Variants in RFX3 observed in about 807,000 individuals in gnomAD.
The protein encoded by RFX3 is regulatory factor X3.
RFX3 carries 14 observed loss-of-function variants against 98.6 expected under a neutral mutation model. That is an observed-to-expected ratio of 0.14 (90% confidence interval 0.09 to 0.22). RFX3 has a LOEUF of 0.22. RFX3 is among the 10% of genes least tolerant of loss of function. The pLI, the probability that RFX3 is intolerant of heterozygous loss-of-function variation, is 1.00. For missense variants in RFX3, 639 were observed against 926.9 expected, an observed-to-expected ratio of 0.69 and a Z score of 4.03; for synonymous variants, 383 against 328.4, an observed-to-expected ratio of 1.17 and a Z score of -1.80.
chr9:3,262,894 A>T, intron 13 of RFX3, 41 bp downstream of exon 13: 1 of 1,595,892 alleles, frequency 6.3e-7, no homozygotes, highest in Admixed American at 1.7e-5. Flanking sequence ...CAAATTGGGT[A>T]TCTTTCCTTA....
At chr9:3,505,531 G>C (rs910553899) in intron 1 of RFX3, among the ~76,000 whole-genome samples, 4 of 77,110 alleles carry the variant, frequency 5.2e-5, no homozygotes, top group African/African-American at 1.8e-4. Flanking sequence ...AATGATAAAA[G>C]GGGGTAAAGA....
chr9:3,474,325 T>C lies in RFX3; in HGVS notation c.-9+51422A>G, dbSNP rs558724539. On this transcript the variant is annotated intron_variant, in intron 1 of 16. Coordinates refer to ENST00000617270, the MANE Select transcript of RFX3 (RefSeq NM_001282116.2). ...AGTGAGAAGTATGCAGCACTTTTTA[T>C]GACCTACTGTTTTAACTTTTTCTAT... 2.0e-5 allele frequency among the ~76,000 whole-genome samples: 3 copies of C among 152,348 alleles called. No homozygotes were observed. In the South Asian group the frequency reaches 6.2e-4, roughly 32 times the overall value.
chr9:3,502,120 G>T (rs898647193), intron 1 of RFX3, among the ~76,000 whole-genome samples: 1 of 150,898 alleles, frequency 6.6e-6, no homozygotes. Flanking sequence ...TTAGCCGGGC[G>T]TAGTGGCGGG....
intron 1 of RFX3, 133 bp from the exon 2 acceptor site, chr9:3,395,729 T>C: frequency 1.2e-6 from 1 of 839,358 alleles, no homozygotes; most frequent in East Asian, 2.7e-5. Context: ...CATACTACCA[T>C]GACAGTCCGT....
rs1005907334 is a variant in RFX3 at position 3,222,803 on chromosome 9, T to G, written c.*2239A>C. The G allele has an allele frequency of 6.6e-6, 1 of 152,210 alleles. No homozygotes were observed. Among genetic ancestry groups the G allele is most frequent in the Non-Finnish European group, 1.5e-5 (1 of 68,032 alleles). 9.4% of individuals were successfully genotyped at this position (152,210 alleles called of 1,614,324 possible). On this transcript the variant is annotated 3_prime_UTR_variant, in exon 17 of 17. Coordinates refer to ENST00000617270, the MANE Select transcript of RFX3 (RefSeq NM_001282116.2). The stretch of plus-strand genomic sequence containing the variant: ...TTTTTGGGAGGAAAAAGGGGGACAG[T>G]AATTTAAATGACATTTAGATGAAGG...
intron 2 of RFX3, among the ~76,000 whole-genome samples, chr9:3,392,473 T>C (rs1362022503): frequency 6.7e-6 from 1 of 149,624 alleles, no homozygotes; most frequent in African/African-American, 2.5e-5. Flanking sequence ...TTAAAAATAA[T>C]ATAAGGCCTG....
intron 2 of RFX3, among the ~76,000 whole-genome samples, chr9:3,372,103 A>T (rs7043493): frequency 6.6e-6 from 1 of 152,166 alleles, no homozygotes; most frequent in South Asian, 2.1e-4. Context: ...CACTACAGCA[A>T]CTGTATTTCT....
intron 1 of RFX3, among the ~76,000 whole-genome samples, chr9:3,406,567 C>T (rs1220810400): frequency 6.6e-6 from 1 of 152,092 alleles, no homozygotes; most frequent in African/African-American, 2.4e-5. Context: ...TTTTCACTTA[C>T]ATATGTAGCC....
chr9:3,360,551 A>T (rs959656017), intron 2 of RFX3, among the ~76,000 whole-genome samples: 5 of 152,174 alleles, frequency 3.3e-5, no homozygotes, highest in Non-Finnish European at 7.4e-5. Context: ...AAATATATGC[A>T]TGATGTATTT....
At chr9:3,247,217 G>T in intron 15 of RFX3, 1 of 984,122 alleles carries the variant, frequency 1.0e-6, no homozygotes, top group Non-Finnish European at 1.2e-6. Flanking sequence ...AACCATCTGA[G>T]CATTTGCATC....
At chr9:3,413,518 A>G (rs1021574854) in intron 1 of RFX3, among the ~76,000 whole-genome samples, 2 of 152,040 alleles carry the variant, frequency 1.3e-5, no homozygotes, top group Non-Finnish European at 2.9e-5. Context: ...TGCTCTTTTC[A>G]TGTTTCAGTT....
chr9:3,229,213 G>C (rs1392474007), intron 15 of RFX3, among the ~76,000 whole-genome samples: 1 of 152,168 alleles, frequency 6.6e-6, no homozygotes, highest in Non-Finnish European at 1.5e-5. Context: ...GAAGACTGAT[G>C]TGGCAAAACG....
At chr9:3,321,784 A>G (rs1831351428) in intron 4 of RFX3, among the ~76,000 whole-genome samples, 1 of 152,054 alleles carries the variant, frequency 6.6e-6, no homozygotes, top group Non-Finnish European at 1.5e-5. Flanking sequence ...ACACTTTTCT[A>G]TCCAAGTGAA....
intron 1 of RFX3, among the ~76,000 whole-genome samples, chr9:3,450,595 A>G (rs12005509): frequency 0.059 from 8,948 of 152,226 alleles, 733 homozygotes; most frequent in African/African-American, 0.18. Flanking sequence ...TATAGACTAC[A>G]TGCTTGTTAA....
intron 1 of RFX3, among the ~76,000 whole-genome samples, chr9:3,424,088 A>T (rs1373177279): frequency 5.3e-5 from 8 of 150,650 alleles, no homozygotes; most frequent in Admixed American, 1.3e-4. Context: ...TGGAGCTTGC[A>T]GTGAGCTGAG....
intron 16 of RFX3, among the ~76,000 whole-genome samples, chr9:3,227,360 G>A (rs960816964): frequency 6.6e-6 from 1 of 152,118 alleles, no homozygotes; most frequent in Non-Finnish European, 1.5e-5. Context: ...GGTTTCCTTT[G>A]GAGAACTTAC....
intron 2 of RFX3, among the ~76,000 whole-genome samples, chr9:3,362,898 G>A (rs1383855441): frequency 6.6e-6 from 1 of 152,196 alleles, no homozygotes; most frequent in African/African-American, 2.4e-5. Context: ...GAGCAGGAAT[G>A]TTACTCAGGA....
At chr9:3,243,093 G>C (rs1395004664) in intron 15 of RFX3, among the ~76,000 whole-genome samples, 2 of 151,788 alleles carry the variant, frequency 1.3e-5, no homozygotes, top group South Asian at 2.1e-4. Flanking sequence ...TTGAATAAAA[G>C]GACATTTTTC....
chr9:3,339,941 G>C (rs11788251), intron 3 of RFX3, among the ~76,000 whole-genome samples: 49,028 of 151,330 alleles, frequency 0.32, 11,561 homozygotes, highest in African/African-American at 0.67. Context: ...GCCCACATTG[G>C]CAAGTCAATC....
Sources: gnomAD v4.1 joint callset for allele counts (sites outside exome capture counted in the v4.1 genomes callset) on GRCh38, gnomAD v4.1.1 for gene constraint, MANE v1.5 for transcripts, NCBI Gene and HGNC (gene_info 2026-07-23, HGNC 2026-07-21) for gene names.